Variants in MGAT4C observed in about 807,000 individuals in gnomAD.
MGAT4C encodes alpha-1,3-mannosyl-glycoprotein 4-beta-N-acetylglucosaminyltransferase C.
Under a neutral mutation model 40.1 loss-of-function variants are expected in MGAT4C, and 19 were observed. The ratio of observed to expected loss-of-function variants is 0.47; its 90% confidence interval spans 0.33 to 0.70. The LOEUF is 0.70. Ranked by LOEUF, MGAT4C falls within the 30% of genes least tolerant of loss-of-function variation. MGAT4C has a pLI of 0.02. For synonymous variants in MGAT4C, 181 were observed against 187.1 expected (o/e 0.97, Z 0.27); for missense variants, 491 against 563.2 (o/e 0.87, Z 1.30).
At chr12:86,690,156 C>T (rs1950149741) in intron 2 of MGAT4C, among the ~76,000 whole-genome samples, 1 of 152,096 alleles carries the variant, frequency 6.6e-6, no homozygotes, top group African/African-American at 2.4e-5. Context: ...ATGGCTGATG[C>T]CCCTCCCCCT....
rs904095593 is a variant in MGAT4C, at chr12:85,968,964, A to C, written c.*10325T>G. The C allele has an allele frequency of 1.3e-5, 2 of 151,876 alleles. No individual in the cohort carries two copies. The highest frequency in any genetic ancestry group is 2.9e-5 in the Non-Finnish European group (2 of 67,810). 9.4% of individuals were successfully genotyped at this position (151,876 alleles called of 1,614,324 possible). A position where few individuals can be genotyped will look rare whatever the true frequency, so the allele number is the denominator to read the frequency against. On this transcript the variant is annotated 3_prime_UTR_variant, in exon 5 of 5. Transcript: ENST00000611864. Reference sequence around the variant, plus strand: ...GAGATTCTTCATCACTGAAGTAGCAATAATAATAGTCATTTCTGTTTTAAT... The same window carrying C: ...GAGATTCTTCATCACTGAAGTAGCACTAATAATAGTCATTTCTGTTTTAAT...
At chr12:86,030,787 T>C (rs1254695887) in intron 2 of MGAT4C, among the ~76,000 whole-genome samples, 1 of 151,762 alleles carries the variant, frequency 6.6e-6, no homozygotes, top group African/African-American at 2.4e-5. Context: ...ATGTAAAGAT[T>C]ATTAGTTCAA....
In MGAT4C at chr12:85,974,130, C is replaced by T. The variant is rs1459155796; in HGVS notation, c.*5159G>A. 6.6e-6 allele frequency: 1 copy of T among 150,864 alleles called. No individual in the cohort carries two copies. Among genetic ancestry groups the T allele is most frequent in the Non-Finnish European group, 1.5e-5 (1 of 67,118 alleles). The allele number at this position is 150,864 out of a possible 1,614,324, so 9.3% of individuals were successfully genotyped here. On this transcript the variant is annotated 3_prime_UTR_variant, in exon 5 of 5. Coordinates refer to ENST00000611864, the MANE Select transcript of MGAT4C (RefSeq NM_001351288.2). ...TCAAATAAAAACCATAAACCTGAAA[C>T]TCTAAAAGAAAAATTCTGTTTTGAG... is the stretch of plus-strand genomic sequence containing the variant.
intron 1 of MGAT4C, among the ~76,000 whole-genome samples, chr12:86,114,964 C>T (rs574484346): frequency 1.3e-5 from 2 of 151,982 alleles, no homozygotes; most frequent in African/African-American, 2.4e-5. Flanking sequence ...CTGGAAATAG[C>T]GGACAACCTA....
chr12:86,616,928 C>T (rs896637384), intron 2 of MGAT4C, among the ~76,000 whole-genome samples: 4 of 152,066 alleles, frequency 2.6e-5, no homozygotes, highest in African/African-American at 4.8e-5. Context: ...ACAAATCTTA[C>T]TTCTCAAAAA....
intron 2 of MGAT4C, among the ~76,000 whole-genome samples, chr12:86,443,767 G>A (rs1957280658): frequency 6.6e-6 from 1 of 151,898 alleles, no homozygotes; most frequent in Non-Finnish European, 1.5e-5. Context: ...CTAATTTTTT[G>A]TATTTTTTAG....
intron 2 of MGAT4C, among the ~76,000 whole-genome samples, chr12:86,698,745 T>G (rs2136610348): frequency 6.6e-6 from 1 of 152,138 alleles, no homozygotes; most frequent in South Asian, 2.1e-4. Context: ...TCACATTCAG[T>G]TTATTCACTT....
intron 2 of MGAT4C, among the ~76,000 whole-genome samples, chr12:86,575,986 T>A (rs12319265): frequency 0.012 from 1,797 of 151,914 alleles, 41 homozygotes; most frequent in African/African-American, 0.042. Flanking sequence ...ATCCTTATCA[T>A]CATTTGTTAT....
At chr12:86,302,521 C>T (rs1256714963) in intron 4 of MGAT4C, among the ~76,000 whole-genome samples, 3 of 150,296 alleles carry the variant, frequency 2.0e-5, no homozygotes, top group Admixed American at 6.6e-5. Flanking sequence ...CTCTGCCTCC[C>T]GGGCTAAAGC....
intron 2 of MGAT4C, among the ~76,000 whole-genome samples, chr12:86,654,038 G>C (rs924614838): frequency 6.6e-6 from 1 of 151,966 alleles, no homozygotes; most frequent in South Asian, 2.1e-4. Context: ...TTGCCATAAC[G>C]TTCTAAGAAA....
intron 2 of MGAT4C, among the ~76,000 whole-genome samples, chr12:86,582,924 A>G (rs970765674): frequency 4.6e-5 from 7 of 151,372 alleles, no homozygotes; most frequent in Non-Finnish European, 8.9e-5. Context: ...ATTTTCTTAC[A>G]GTAAAGACTA....
chr12:86,769,718 A>T (rs1244285386), intron 1 of MGAT4C, among the ~76,000 whole-genome samples: 1 of 152,144 alleles, frequency 6.6e-6, no homozygotes, highest in Non-Finnish European at 1.5e-5. Flanking sequence ...CTTTGTAGGG[A>T]CATGGATGAA....
chr12:86,716,068 T>C (rs536956064), intron 2 of MGAT4C, among the ~76,000 whole-genome samples: 2 of 152,216 alleles, frequency 1.3e-5, no homozygotes, highest in East Asian at 3.9e-4. Context: ...ATATAATATG[T>C]TGGTATGTTG....
At chr12:86,030,680 G>T (rs892969374) in intron 2 of MGAT4C, among the ~76,000 whole-genome samples, 3 of 151,678 alleles carry the variant, frequency 2.0e-5, no homozygotes, top group Non-Finnish European at 4.4e-5. Context: ...AGAAGGAATT[G>T]TTTATCATTT....
chr12:86,110,701 T>C (rs1877224606), intron 1 of MGAT4C, among the ~76,000 whole-genome samples: 1 of 151,654 alleles, frequency 6.6e-6, no homozygotes, highest in Non-Finnish European at 1.5e-5. Flanking sequence ...AGTATAAGCA[T>C]GAAAGATTTG....
At chr12:86,189,798 T>A (rs1372589330) in intron 1 of MGAT4C, among the ~76,000 whole-genome samples, 1 of 152,122 alleles carries the variant, frequency 6.6e-6, no homozygotes, top group Middle Eastern at 3.4e-3. Context: ...GTCTTGTAGT[T>A]CACTCTCTAA....
chr12:86,736,620 A>C (rs1161945707), intron 1 of MGAT4C, among the ~76,000 whole-genome samples: 1 of 151,722 alleles, frequency 6.6e-6, no homozygotes, highest in Non-Finnish European at 1.5e-5. Context: ...TAAGATCATG[A>C]GCACTAACTC....
At chr12:86,740,613 A>T (rs1951054387) in intron 1 of MGAT4C, among the ~76,000 whole-genome samples, 1 of 151,236 alleles carries the variant, frequency 6.6e-6, no homozygotes, top group African/African-American at 2.4e-5. Context: ...GTACAGTAGA[A>T]TGTCAATGTA....
chr12:86,112,772 GT>G (rs1877689386), intron 1 of MGAT4C, among the ~76,000 whole-genome samples: 1 of 151,758 alleles, frequency 6.6e-6, no homozygotes, highest in Admixed American at 6.6e-5. Flanking sequence ...AACAGAGTGA[GT>G]AAAGGAAGGA....
Sources: gnomAD v4.1 joint callset for allele counts (sites outside exome capture counted in the v4.1 genomes callset) on GRCh38, gnomAD v4.1.1 for gene constraint, MANE v1.5 for transcripts, NCBI Gene and HGNC (gene_info 2026-07-23, HGNC 2026-07-21) for gene names.